Variants in KLF12 observed in about 807,000 individuals in gnomAD.
The protein encoded by KLF12 is Krueppel-like factor 12.
Under a neutral mutation model 37.8 loss-of-function variants are expected in KLF12, and 9 were observed. That is an observed-to-expected ratio of 0.24 (90% CI 0.14 to 0.42). The LOEUF (loss-of-function observed/expected upper bound fraction) is 0.42, where lower values mean the gene tolerates loss of function less well. Among genes scored for constraint, KLF12 ranks in the 10% least tolerant of loss-of-function variants. The pLI is 1.00. For missense variants in KLF12, 411 were observed against 516.0 expected, an observed-to-expected ratio of 0.80 and a Z score of 1.97; for synonymous variants, 208 against 202.1, an observed-to-expected ratio of 1.03 and a Z score of -0.25.
chr13:73,998,603 C>T (rs1216210677), intron 1 of KLF12, among the ~76,000 whole-genome samples: 2 of 152,194 alleles, frequency 1.3e-5, no homozygotes, highest in Non-Finnish European at 2.9e-5. Context: ...GGTTTACATA[C>T]ATATTCAATT....
chr13:73,809,356 G>T (rs978835214), intron 5 of KLF12, among the ~76,000 whole-genome samples: 5 of 131,990 alleles, frequency 3.8e-5, no homozygotes, highest in Non-Finnish European at 4.9e-5. Context: ...AAGTCATCAA[G>T]ATACGGAAAG....
chr13:74,104,013 C>T (rs1000084838), intron 1 of KLF12, among the ~76,000 whole-genome samples: 5 of 152,084 alleles, frequency 3.3e-5, no homozygotes, highest in Non-Finnish European at 7.4e-5. Context: ...GAAATAATTA[C>T]CCTTAATTTT....
chr13:74,090,325 T>C (rs938348999), intron 1 of KLF12, among the ~76,000 whole-genome samples: 1 of 152,118 alleles, frequency 6.6e-6, no homozygotes, highest in South Asian at 2.1e-4. Context: ...TATTCCCAGA[T>C]TGGAAGACTC....
intron 1 of KLF12, among the ~76,000 whole-genome samples, chr13:74,078,033 T>C (rs1874664877): frequency 6.6e-6 from 1 of 152,184 alleles, no homozygotes. Context: ...ATACAGTGTG[T>C]TTTTGTAATA....
At chr13:73,830,969 T>C (rs937918463) in intron 4 of KLF12, among the ~76,000 whole-genome samples, 3 of 149,444 alleles carry the variant, frequency 2.0e-5, no homozygotes, top group Non-Finnish European at 4.4e-5. Context: ...TTTAGCAACA[T>C]GGAATTACCT....
rs751448726 is a variant in KLF12 at position 73,695,480 on chromosome 13, G to A, written c.*10C>T. ...CCAGCTCTTACGCTCAGCTGGACAG[G>A]TAGCATTCCTCACACCAACATATGC... On this transcript the variant is annotated 3_prime_UTR_variant, in exon 8 of 8. Coordinates refer to ENST00000377669, the MANE Select transcript of KLF12 (RefSeq NM_007249.5). 1.2e-6 allele frequency: 2 copies of A among 1,612,964 alleles called. No homozygotes were observed. The highest frequency in any genetic ancestry group is 2.7e-5 in the African/African-American group (2 of 74,898).
chr13:73,825,901 G>A lies in KLF12; in HGVS notation c.671-12614C>T, dbSNP rs375157449. Among the ~76,000 whole-genome samples the A allele has an allele frequency of 3.4e-4, 52 of 152,216 alleles. 1 individual carries two copies. Among genetic ancestry groups the A allele is most frequent in the Non-Finnish European group, 1.3e-4 (9 of 68,020 alleles). ...CAACCAAACCCATCTGCTAATAAGA[G>A]AGTAGCTAAGCTTTCTACATGCCTG... On this transcript the variant is annotated intron_variant, in intron 4 of 7. Coordinates refer to ENST00000377669, the MANE Select transcript of KLF12 (RefSeq NM_007249.5).
At chr13:74,041,908 C>T in intron 1 of KLF12, among the ~76,000 whole-genome samples, 1 of 152,124 alleles carries the variant, frequency 6.6e-6, no homozygotes, top group East Asian at 1.9e-4. Context: ...GATCATAATT[C>T]ATATAAACAT....
intron 2 of KLF12, among the ~76,000 whole-genome samples, chr13:73,975,490 A>G (rs1178570583): frequency 1.3e-5 from 2 of 152,188 alleles, no homozygotes; most frequent in African/African-American, 4.8e-5. Flanking sequence ...AAGCTTAGGC[A>G]CAGCTAAAGA....
At chr13:73,814,606 G>T (rs904690381) in intron 4 of KLF12, among the ~76,000 whole-genome samples, 1 of 152,122 alleles carries the variant, frequency 6.6e-6, no homozygotes, top group Non-Finnish European at 1.5e-5. Flanking sequence ...ATACCAAAAC[G>T]TGCTTTGCAC....
intron 1 of KLF12, among the ~76,000 whole-genome samples, chr13:74,081,069 C>T (rs1285115632): frequency 6.6e-6 from 1 of 152,190 alleles, no homozygotes; most frequent in Non-Finnish European, 1.5e-5. Context: ...AATGACCAAC[C>T]AGTACCAACC....
chr13:73,960,507 A>G (rs1046020107), intron 2 of KLF12: 1 of 197,436 alleles, frequency 5.1e-6, no homozygotes, highest in Non-Finnish European at 1.1e-5. Flanking sequence ...AATGGTTGGG[A>G]TAAAAAAAAC....
rs1416975954 is a variant in KLF12, at chr13:73,994,880, CCT to C, written c.33+108_33+109del. 6 of 772,688 alleles carry C rather than the reference CCT, an allele frequency of 7.8e-6. No individual in the cohort carries two copies. The African/African-American group carries it at 8.6e-5, about 11-fold the overall frequency. 47.9% of individuals were successfully genotyped at this position (772,688 alleles called of 1,614,324 possible). On this transcript the variant is annotated intron_variant, in intron 2 of 7. Coordinates refer to ENST00000377669, the MANE Select transcript of KLF12 (RefSeq NM_007249.5). ...ATAGATATGCACATGTAAGTACTGA[CCT>C]CTGTCTCGTATTCACACAAGAAGGT...
chr13:73,949,099 C>G (rs1890552015), intron 2 of KLF12, among the ~76,000 whole-genome samples: 2 of 152,152 alleles, frequency 1.3e-5, no homozygotes, highest in African/African-American at 4.8e-5. Flanking sequence ...TTAAATTGCC[C>G]AAGCCCACAC....
chr13:74,187,991 T>C, the KLF12 span, among the ~76,000 whole-genome samples: 6 of 152,230 alleles, frequency 3.9e-5, no homozygotes, highest in Non-Finnish European at 5.9e-5. Context: ...TCAATTACAA[T>C]GATTTCTTTT....
chr13:74,166,087 C>CTTTTTTT, the KLF12 span, among the ~76,000 whole-genome samples: 5 of 103,764 alleles, frequency 4.8e-5, 1 homozygote, highest in Non-Finnish European at 5.6e-5. Flanking sequence ...GCATAAACAC[C>CTTTTTTT]TTTTTTTTTT....
At chr13:74,137,753 TTTTA>T (rs1217911193), upstream of KLF12, among the ~76,000 whole-genome samples, 9 of 152,056 alleles carry the variant, frequency 5.9e-5, no homozygotes, top group East Asian at 9.6e-4. Flanking sequence ...TTATTTTTTA[TTTTA>T]TTTATTTATT....
intron 4 of KLF12, among the ~76,000 whole-genome samples, chr13:73,841,829 G>A (rs1884752997): frequency 6.6e-6 from 1 of 152,102 alleles, no homozygotes. Flanking sequence ...ACTGCTACTT[G>A]TCCTTAGGTA....
intron 6 of KLF12, among the ~76,000 whole-genome samples, chr13:73,746,612 C>G (rs571305680): frequency 1.3e-5 from 2 of 151,952 alleles, no homozygotes; most frequent in Non-Finnish European, 2.9e-5. Context: ...TGCCTGGCAC[C>G]TAGTAGGTGC....
Sources: allele counts gnomAD v4.1 joint callset (sites outside exome capture counted in the v4.1 genomes callset), GRCh38; gene constraint gnomAD v4.1.1; transcripts MANE v1.5; gene names NCBI Gene and HGNC (gene_info 2026-07-23, HGNC 2026-07-21).